The following PCDH7 variants were observed in gnomAD, a reference collection of about 807,000 sequenced individuals.
PCDH7 encodes protocadherin 7.
Under a neutral mutation model 58.9 loss-of-function variants are expected in PCDH7, and 17 were observed. That is an observed-to-expected ratio of 0.29 (90% CI 0.20 to 0.43). The LOEUF is 0.43. PCDH7 is among the 20% of genes least tolerant of loss of function. The probability of loss-of-function intolerance (pLI) is 1.00; values close to 1 mark genes in which losing one functional copy is unlikely to be tolerated. For missense variants in PCDH7, 1,274 were observed against 1,441.0 expected, an observed-to-expected ratio of 0.88 and a Z score of 1.88; for synonymous variants, 664 against 616.4, an observed-to-expected ratio of 1.08 and a Z score of -1.14.
intron 3 of PCDH7, among the ~76,000 whole-genome samples, chr4:31,112,471 G>A (rs1467911596): frequency 6.6e-6 from 1 of 152,106 alleles, no homozygotes; most frequent in African/African-American, 2.4e-5. Context: ...AAAAACCAAA[G>A]CTATTTTAAT....
chr4:31,095,782 C>A (rs997621322), intron 3 of PCDH7, among the ~76,000 whole-genome samples: 4 of 152,062 alleles, frequency 2.6e-5, no homozygotes, highest in African/African-American at 7.2e-5. Context: ...GATTAGGACA[C>A]TTTCTGTTAA....
At chr4:30,891,936 C>T (rs548030044) in intron 1 of PCDH7, among the ~76,000 whole-genome samples, 7 of 151,590 alleles carry the variant, frequency 4.6e-5, no homozygotes, top group Non-Finnish European at 7.4e-5. Context: ...TTTTTGTGAA[C>T]GGACATGGAT....
intron 3 of PCDH7, among the ~76,000 whole-genome samples, chr4:31,108,764 A>G (rs1359759512): frequency 1.3e-5 from 2 of 152,190 alleles, no homozygotes; most frequent in Admixed American, 6.5e-5. Context: ...CACATTGAGC[A>G]TTATATGCAT....
Position 30,722,291 on chromosome 4 carries a change from C to T in PCDH7, c.869C>T (p.Ser290Leu). The change falls in exon 1 of 2, where the codon TCG becomes TTG. Residue 290 changes from serine to leucine, a missense_variant. Ser to Leu is a moderately radical substitution (Grantham distance 145). Coordinates refer to ENST00000361762, the Ensembl canonical transcript of PCDH7. The surrounding 1 kb of genome is among the most constrained non-coding windows in gnomAD (Gnocchi z 7.6). Reference sequence around the variant, plus strand: ...GACGGCGGCGACCCGCCTCGCTCCTCGCAGGCCATCCTACGGGTCCTCATC... The same window carrying T: ...GACGGCGGCGACCCGCCTCGCTCCTTGCAGGCCATCCTACGGGTCCTCATC... 1.2e-6 allele frequency: 2 copies of T among 1,605,080 alleles called. No individual in the cohort carries two copies. Among genetic ancestry groups the T allele is most frequent in the South Asian group, 1.1e-5 (1 of 90,034 alleles).
intron 3 of PCDH7, among the ~76,000 whole-genome samples, chr4:31,091,241 A>G (rs924853401): frequency 2.0e-5 from 3 of 152,122 alleles, no homozygotes; most frequent in East Asian, 1.9e-4. Context: ...AAGAATATCA[A>G]TGGAAAATAT....
At chr4:31,142,562 G>A in exon 4 of PCDH7, 1 of 1,367,682 alleles carries the variant, frequency 7.3e-7, no homozygotes, top group Non-Finnish European at 9.8e-7. Flanking sequence ...CTGGATGCCG[G>A]TCCGCACTTC....
rs562710065 is a variant in PCDH7, at chr4:30,792,198, A to G, written c.70+67602A>G. The stretch of plus-strand genomic sequence containing the variant: ...CTAAGAGTATTTTGGAGAAGATAAA[A>G]TGAGCAACCATTGAGAATGTTCAGT... On this transcript the variant is annotated intron_variant, in intron 1 of 3. Coordinates refer to the PCDH7 transcript ENST00000509759. Among the ~76,000 whole-genome samples, 7 of 152,324 alleles carry G rather than the reference A, an allele frequency of 4.6e-5. No individual in the cohort carries two copies. In the South Asian group the frequency reaches 1.4e-3, roughly 32 times the overall value.
chr4:31,113,831 C>CT (rs35105911), intron 3 of PCDH7, among the ~76,000 whole-genome samples: 4,167 of 107,488 alleles, frequency 0.039, 208 homozygotes, highest in African/African-American at 0.089. Context: ...GTTAACCTTT[C>CT]TTTTTTTTTT....
intron 3 of PCDH7, among the ~76,000 whole-genome samples, chr4:30,968,363 A>AGTGTG (rs1429260320): frequency 7.7e-6 from 1 of 129,336 alleles, no homozygotes; most frequent in African/African-American, 2.9e-5. Context: ...CACACACTAT[A>AGTGTG]TATATACACA....
At chr4:30,737,556 A>G (rs80297915), downstream of PCDH7, among the ~76,000 whole-genome samples, 5 of 148,964 alleles carry the variant, frequency 3.4e-5, no homozygotes, top group African/African-American at 9.8e-5. Context: ...GTGTGTGTGT[A>G]TGTATTTGTT....
chr4:30,814,686 A>T (rs1727448243), intron 1 of PCDH7, among the ~76,000 whole-genome samples: 1 of 152,110 alleles, frequency 6.6e-6, no homozygotes. Context: ...AACAAATCAA[A>T]CTGTTTCTTT....
intron 1 of PCDH7, among the ~76,000 whole-genome samples, chr4:30,887,772 A>C (rs961739089): frequency 8.5e-5 from 13 of 152,276 alleles, no homozygotes; most frequent in Non-Finnish European, 1.5e-4. Flanking sequence ...GACTCAATGA[A>C]GTTTATGAGT....
intron 3 of PCDH7, among the ~76,000 whole-genome samples, chr4:31,042,363 T>C (rs1182357308): frequency 6.6e-6 from 1 of 152,182 alleles, no homozygotes; most frequent in African/African-American, 2.4e-5. Flanking sequence ...CCAATCTCTT[T>C]TTGATCTTTG....
intron 3 of PCDH7, among the ~76,000 whole-genome samples, chr4:31,003,636 G>T (rs138394410): frequency 6.6e-6 from 1 of 151,990 alleles, no homozygotes; most frequent in Non-Finnish European, 1.5e-5. Context: ...GGCCAGGCAC[G>T]GTGGCTCACA....
chr4:31,109,955 T>C (rs1716076753), intron 3 of PCDH7, among the ~76,000 whole-genome samples: 1 of 152,204 alleles, frequency 6.6e-6, no homozygotes, highest in African/African-American at 2.4e-5. Context: ...CATAAACTGG[T>C]GTGAAAGAAG....
intron 3 of PCDH7, among the ~76,000 whole-genome samples, chr4:31,134,688 T>C (rs1473738649): frequency 6.6e-6 from 1 of 152,188 alleles, no homozygotes; most frequent in Non-Finnish European, 1.5e-5. Context: ...TTTCTGTGGA[T>C]TGACTACATG....
At chr4:30,895,103 T>C (rs2109388359) in intron 1 of PCDH7, among the ~76,000 whole-genome samples, 1 of 151,732 alleles carries the variant, frequency 6.6e-6, no homozygotes, top group Non-Finnish European at 1.5e-5. Flanking sequence ...ATTTAAACAG[T>C]TCCATTTTCA....
intron 3 of PCDH7, among the ~76,000 whole-genome samples, chr4:30,991,121 C>T (rs552667456): frequency 7.9e-5 from 12 of 152,164 alleles, no homozygotes; most frequent in African/African-American, 2.6e-4. Context: ...TTCAAAAAGC[C>T]ATCTATTTTT....
chr4:30,923,626 A>G lies in PCDH7; in HGVS notation c.287+3257A>G, dbSNP rs139799172. On this transcript the variant is annotated intron_variant, in intron 2 of 3. Coordinates refer to the PCDH7 transcript ENST00000509759. ...AATGTAGAATGAGATCCACCATTTT[A>G]AAGTTCCAAATCTGTAGAATGCCAC... Among the ~76,000 whole-genome samples, 938 of 152,320 alleles carry G rather than the reference A, an allele frequency of 6.2e-3. 10 individuals are homozygous for G. The highest frequency in any genetic ancestry group is 0.01 in the Non-Finnish European group (682 of 67,996).
Sources: allele counts gnomAD v4.1 joint callset (sites outside exome capture counted in the v4.1 genomes callset), GRCh38; gene constraint gnomAD v4.1.1; non-coding constraint Gnocchi (gnomAD v3.1); transcripts MANE v1.5; gene names NCBI Gene and HGNC (gene_info 2026-07-23, HGNC 2026-07-21).